LINGO2: variants seen among roughly 807,000 people sequenced by gnomAD.
LINGO2 encodes leucine rich repeat and Ig domain containing 2.
In LINGO2, 14 loss-of-function variants were observed where a neutral mutation model predicts 30.6. The observed-to-expected ratio is 0.46, with a 90% CI of 0.30 to 0.72. The LOEUF is 0.72. Among genes scored for constraint, LINGO2 ranks in the 30% least tolerant of loss-of-function variants. LINGO2 has a pLI of 0.07. For synonymous variants in LINGO2, 317 were observed against 288.5 expected (o/e 1.10, Z -1.00); for missense variants, 729 against 751.7 (o/e 0.97, Z 0.35).
At chr9:29,164,108 A>G in the LINGO2 span, among the ~76,000 whole-genome samples, 4 of 79,610 alleles carry the variant, frequency 5.0e-5, no homozygotes, top group Admixed American at 1.2e-4. Context: ...TACATGGAGG[A>G]AAAAAAAAAA....
intron 1 of LINGO2, among the ~76,000 whole-genome samples, chr9:28,541,874 T>C (rs1001168726): frequency 1.3e-5 from 2 of 152,080 alleles, no homozygotes. Context: ...AAGTAAGATA[T>C]ATTGGAAACA....
chr9:28,962,904 T>G, the LINGO2 span, among the ~76,000 whole-genome samples: 1 of 151,892 alleles, frequency 6.6e-6, no homozygotes, highest in Non-Finnish European at 1.5e-5. Flanking sequence ...GGAACTTTAC[T>G]CATTTGAAAT....
chr9:28,987,613 C>T, the LINGO2 span, among the ~76,000 whole-genome samples: 887 of 152,012 alleles, frequency 5.8e-3, 7 homozygotes, highest in African/African-American at 0.021. Flanking sequence ...TTTTCTAGTT[C>T]CTTGAGGAGC....
At chr9:28,751,966 C>T in the LINGO2 span, among the ~76,000 whole-genome samples, 4 of 151,912 alleles carry the variant, frequency 2.6e-5, no homozygotes, top group African/African-American at 9.7e-5. Context: ...AATGTAATAG[C>T]TCTCGTCCAC....
chr9:27,950,326 G>A (rs767025672), exon 6 of LINGO2: 4 of 1,614,152 alleles, frequency 2.5e-6, no homozygotes, highest in Non-Finnish European at 2.5e-6. Context: ...AGCTTTAGAC[G>A]ATTGCCTTTT....
chr9:28,605,065 A>G (rs1232786714), intron 1 of LINGO2, among the ~76,000 whole-genome samples: 5 of 152,046 alleles, frequency 3.3e-5, no homozygotes, highest in African/African-American at 4.8e-5. Flanking sequence ...CTTGTACTCT[A>G]CAGTATGATT....
chr9:28,215,367 C>T (rs1402814667), intron 4 of LINGO2, among the ~76,000 whole-genome samples: 2 of 151,330 alleles, frequency 1.3e-5, no homozygotes, highest in African/African-American at 4.8e-5. Context: ...GGGCAGTTGG[C>T]GATGATTGTG....
chr9:29,169,423 C>T, the LINGO2 span, among the ~76,000 whole-genome samples: 1 of 151,494 alleles, frequency 6.6e-6, no homozygotes, highest in South Asian at 2.1e-4. Context: ...AGAACTCAAA[C>T]AACTCAACAA....
chr9:29,118,821 C>T, the LINGO2 span, among the ~76,000 whole-genome samples: 1 of 152,240 alleles, frequency 6.6e-6, no homozygotes, highest in South Asian at 2.1e-4. Context: ...TGGCTCCGGG[C>T]CCACGCTATC....
At chr9:28,057,847 C>A (rs1013666156) in intron 4 of LINGO2, among the ~76,000 whole-genome samples, 3 of 151,964 alleles carry the variant, frequency 2.0e-5, no homozygotes, top group Non-Finnish European at 2.9e-5. Context: ...GTAGTTAACT[C>A]CTGCTTATTC....
the LINGO2 span, among the ~76,000 whole-genome samples, chr9:28,683,253 C>T: frequency 6.6e-6 from 1 of 152,088 alleles, no homozygotes; most frequent in Admixed American, 6.6e-5. Flanking sequence ...TAACCTTTCT[C>T]TTGGTTCCAG....
intron 1 of LINGO2, among the ~76,000 whole-genome samples, chr9:28,479,955 A>G (rs1477540460): frequency 1.7e-5 from 2 of 114,330 alleles, no homozygotes; most frequent in Non-Finnish European, 3.7e-5. Context: ...ATATATATAT[A>G]TGTACATTTT....
chr9:28,163,944 C>G (rs1297398066), intron 4 of LINGO2, among the ~76,000 whole-genome samples: 1 of 152,164 alleles, frequency 6.6e-6, no homozygotes, highest in Non-Finnish European at 1.5e-5. Context: ...TGGCTTGTAA[C>G]ATTGATCAAG....
the LINGO2 span, among the ~76,000 whole-genome samples, chr9:28,754,516 C>T: frequency 6.6e-6 from 1 of 151,978 alleles, no homozygotes; most frequent in Non-Finnish European, 1.5e-5. Context: ...TAGAGAAGCT[C>T]AATGTTTAAT....
intron 1 of LINGO2, among the ~76,000 whole-genome samples, chr9:28,521,282 A>T (rs1325485995): frequency 6.6e-6 from 1 of 152,134 alleles, no homozygotes; most frequent in African/African-American, 2.4e-5. Flanking sequence ...AATTCAATAG[A>T]TGATCTAAGG....
chr9:28,517,236 C>A (rs7847536), intron 1 of LINGO2, among the ~76,000 whole-genome samples: 8,589 of 152,180 alleles, frequency 0.056, 250 homozygotes, highest in South Asian at 0.064. Flanking sequence ...CCCCCTCCAC[C>A]CCCACCACAG....
chr9:29,039,791 A>G, the LINGO2 span, among the ~76,000 whole-genome samples: 5 of 152,236 alleles, frequency 3.3e-5, no homozygotes, highest in African/African-American at 1.2e-4. Flanking sequence ...CCCACCACTG[A>G]TCCAAGATGG....
intron 3 of LINGO2, among the ~76,000 whole-genome samples, chr9:28,370,761 C>T (rs1007005523): frequency 2.0e-5 from 3 of 152,122 alleles, no homozygotes; most frequent in African/African-American, 7.2e-5. Flanking sequence ...TGTGGGACGC[C>T]TCATGTTAAG....
intron 4 of LINGO2, among the ~76,000 whole-genome samples, chr9:28,034,122 C>T (rs940669349): frequency 4.6e-5 from 7 of 152,184 alleles, no homozygotes; most frequent in African/African-American, 1.4e-4. Flanking sequence ...TTTCATTCTA[C>T]CTTAAACCTG....
Sources: gnomAD v4.1 joint callset for allele counts (sites outside exome capture counted in the v4.1 genomes callset) on GRCh38, gnomAD v4.1.1 for gene constraint, MANE v1.5 for transcripts, NCBI Gene and HGNC (gene_info 2026-07-23, HGNC 2026-07-21) for gene names.